TTC7A: variants seen among roughly 807,000 people sequenced by gnomAD.
TTC7A encodes tetratricopeptide repeat domain 7A.
TTC7A carries 110 observed loss-of-function variants against 103.7 expected under a neutral mutation model. The ratio of observed to expected loss-of-function variants is 1.06; its 90% CI spans 0.91 to 1.24. The LOEUF is 1.24. TTC7A is among the 50% of genes most tolerant of loss of function. The probability of loss-of-function intolerance (pLI) is 0.00; values close to 1 mark genes in which losing one functional copy is unlikely to be tolerated. For synonymous variants in TTC7A, 521 were observed against 467.9 expected (o/e 1.11, Z -1.47); for missense variants, 1,340 against 1,116.3 (o/e 1.20, Z -2.86).
At chr2:46,938,579 C>G (rs1670094750), upstream of TTC7A, among the ~76,000 whole-genome samples, 1 of 152,164 alleles carries the variant, frequency 6.6e-6, no homozygotes, top group Non-Finnish European at 1.5e-5. Flanking sequence ...TGAGGCCCTT[C>G]CTATCCATAA....
rs1028485610 is a variant in TTC7A, at chr2:47,073,917, G to C, written c.2571G>C (p.Glu857Asp). ...TGCCCTTCTCCATCATCCCCAGAGA[G>C]CTCTGACGACGCTGCAGCCGCAGGG... ...PVLPFSIIPR[E>D]L is the part of the protein sequence containing the mutation. The change falls in exon 20 of 20, where the codon GAG becomes GAC. Residue 857 changes from glutamate to aspartate, a missense_variant. Physicochemically the swap from Glu to Asp is conservative, Grantham distance 45. Coordinates refer to ENST00000319190, the MANE Select transcript of TTC7A (RefSeq NM_020458.4). 6.2e-7 allele frequency: 1 copy of C among 1,610,190 alleles called. No individual in the cohort carries two copies. Among genetic ancestry groups the C allele is most frequent in the Non-Finnish European group, 8.5e-7 (1 of 1,178,172 alleles).
intron 13 of TTC7A, 60 bp from the exon 14 acceptor site, chr2:47,024,227 A>G (rs1020611927): frequency 6.8e-7 from 1 of 1,466,458 alleles, no homozygotes; most frequent in Non-Finnish European, 9.3e-7. Flanking sequence ...TGGAGGCCCG[A>G]GTCACACGTT....
intron 8 of TTC7A, among the ~76,000 whole-genome samples, 194 bp downstream of exon 8, chr2:46,995,393 G>C (rs887562181): frequency 3.9e-5 from 6 of 152,208 alleles, no homozygotes; most frequent in South Asian, 2.1e-4. Flanking sequence ...GCTGTCGAAG[G>C]CTTCATTTGG....
At chr2:46,997,636 G>C (rs1008441974) in intron 8 of TTC7A, among the ~76,000 whole-genome samples, 1 of 152,118 alleles carries the variant, frequency 6.6e-6, no homozygotes, top group Non-Finnish European at 1.5e-5. Flanking sequence ...GCCCCAGGAC[G>C]CAGGGCTCCT....
At chr2:47,053,511 G>A (rs115655031) in intron 18 of TTC7A, among the ~76,000 whole-genome samples, 2,744 of 150,546 alleles carry the variant, frequency 0.018, 91 homozygotes, top group African/African-American at 0.064. Context: ...GTTTTGGTGG[G>A]CGGGTTTTTG....
At chr2:47,005,776 C>T in intron 8 of TTC7A, 146 bp from the exon 9 acceptor site, 1 of 844,508 alleles carries the variant, frequency 1.2e-6, no homozygotes, top group Non-Finnish European at 1.9e-6. Flanking sequence ...AGGAAAAGGC[C>T]ATTTCTGGGA....
intron 3 of TTC7A, among the ~76,000 whole-genome samples, chr2:46,966,655 C>T (rs921356414): frequency 2.0e-5 from 3 of 148,864 alleles, no homozygotes; most frequent in Admixed American, 6.7e-5. Flanking sequence ...ATTTTGTATA[C>T]ATCACTTTTT....
At chr2:47,006,374 C>T (rs1472458709) in intron 9 of TTC7A, among the ~76,000 whole-genome samples, 1 of 152,208 alleles carries the variant, frequency 6.6e-6, no homozygotes, top group Non-Finnish European at 1.5e-5. Flanking sequence ...AATCTTATTC[C>T]ATTTGCTCTT....
At chr2:46,972,473 C>T (rs945037680) in intron 3 of TTC7A, among the ~76,000 whole-genome samples, 1 of 152,184 alleles carries the variant, frequency 6.6e-6, no homozygotes, top group African/African-American at 2.4e-5. Flanking sequence ...CATTTTAAGG[C>T]AGGTTTTCTC....
At chr2:46,975,938 T>C (rs956192992) in intron 4 of TTC7A, among the ~76,000 whole-genome samples, 4 of 152,164 alleles carry the variant, frequency 2.6e-5, no homozygotes, top group African/African-American at 7.2e-5. Context: ...GGTTTCACCA[T>C]GTTGGCCAGG....
chr2:47,031,614 C>A (rs1680546828), intron 15 of TTC7A, among the ~76,000 whole-genome samples: 1 of 152,242 alleles, frequency 6.6e-6, no homozygotes, highest in South Asian at 2.1e-4. Flanking sequence ...TGAAATCTTC[C>A]TTGGAAACTG....
intron 3 of TTC7A, 185 bp from the exon 4 acceptor site, chr2:46,974,788 A>G: frequency 1.3e-6 from 1 of 745,888 alleles, no homozygotes; most frequent in Non-Finnish European, 2.2e-6. Flanking sequence ...CCCATCGCTT[A>G]CTCCCAGCCA....
At chr2:47,021,138 C>T (rs1679235185) in intron 11 of TTC7A, among the ~76,000 whole-genome samples, 1 of 152,216 alleles carries the variant, frequency 6.6e-6, no homozygotes, top group Admixed American at 6.5e-5. Flanking sequence ...GGCACACTAC[C>T]ACACCAGGCA....
rs899448864 is a variant in TTC7A at position 46,975,185 on chromosome 2, C to T, written c.648+82C>T. On this transcript the variant is annotated intron_variant, in intron 4 of 19. Coordinates refer to ENST00000319190, the MANE Select transcript of TTC7A (RefSeq NM_020458.4). ...TGGATCCCACTAAACCCATAGGTCACCTGTGTGCTAATTAGAAGAAGTCAC... is the reference window on the plus strand; with the variant it reads ...TGGATCCCACTAAACCCATAGGTCATCTGTGTGCTAATTAGAAGAAGTCAC... 5.1e-6 allele frequency: 8 copies of T among 1,555,810 alleles called. No individual in the cohort carries two copies. The African/African-American group carries it at 1.1e-4, about 21-fold the overall frequency.
chr2:46,935,010 A>C (rs1479469355), intron 2 of TTC7A, among the ~76,000 whole-genome samples: 1 of 151,834 alleles, frequency 6.6e-6, no homozygotes, highest in Non-Finnish European at 1.5e-5. Flanking sequence ...CATGTTGGCC[A>C]GGATGGTCTT....
Position 47,024,365 on chromosome 2 carries a change from T to C in TTC7A, c.1641+6T>C. On this transcript the variant is annotated splice_donor_region_variant and intron_variant, in intron 14 of 19. Coordinates refer to ENST00000319190, the MANE Select transcript of TTC7A (RefSeq NM_020458.4). Reference sequence around the variant, plus strand: ...AGCTGGCCCTCGTCCGACAGGTGGGTTGTCCGTGTTCCTAACCCCCGGGTC... The same window carrying C: ...AGCTGGCCCTCGTCCGACAGGTGGGCTGTCCGTGTTCCTAACCCCCGGGTC... 1 of 1,604,264 alleles carries C rather than the reference T, an allele frequency of 6.2e-7. No individual in the cohort carries two copies. The highest frequency in any genetic ancestry group is 8.5e-7 in the Non-Finnish European group (1 of 1,175,640).
chr2:46,938,438 C>T (rs1480354172), upstream of TTC7A, among the ~76,000 whole-genome samples: 2 of 152,102 alleles, frequency 1.3e-5, no homozygotes, highest in African/African-American at 2.4e-5. Flanking sequence ...GTGCCTCGGA[C>T]CTTCAACCGA....
At chr2:46,963,170 A>G (rs775345390) in intron 3 of TTC7A, among the ~76,000 whole-genome samples, 23 of 152,208 alleles carry the variant, frequency 1.5e-4, no homozygotes, top group Non-Finnish European at 3.4e-4. Context: ...GTCTCCTAAT[A>G]GAATCTGGTC....
intron 8 of TTC7A, among the ~76,000 whole-genome samples, chr2:47,003,519 A>G (rs973292636): frequency 6.6e-6 from 1 of 152,016 alleles, no homozygotes; most frequent in African/African-American, 2.4e-5. Flanking sequence ...CCCAGAAAGG[A>G]GTTTAGATTT....
Sources: allele counts gnomAD v4.1 joint callset (sites outside exome capture counted in the v4.1 genomes callset), GRCh38; gene constraint gnomAD v4.1.1; transcripts MANE v1.5; gene names NCBI Gene and HGNC (gene_info 2026-07-23, HGNC 2026-07-21).